Variants in FBN3 observed in about 807,000 individuals in gnomAD.
FBN3 encodes fibrillin-3.
In FBN3, 234 loss-of-function variants were observed where a neutral mutation model predicts 330.1. The observed-to-expected ratio is 0.71, with a 90% CI of 0.64 to 0.79. FBN3 has a LOEUF of 0.79. Ranked by LOEUF, FBN3 falls within the 30% of genes least tolerant of loss-of-function variation. FBN3 has a pLI of 0.00. For synonymous variants in FBN3, 1,458 were observed against 1,517.3 expected, an observed-to-expected ratio of 0.96 and a Z score of 0.91; for missense variants, 3,606 against 3,886.9, an observed-to-expected ratio of 0.93 and a Z score of 1.92.
rs2082335534 is a variant in FBN3, at chr19:8,101,934, C to T, written c.5089+790G>A. On this transcript the variant is annotated intron_variant, in intron 40 of 63. Transcript: ENST00000600128. ...CAGTTTGGCTGTGTCCCCACCTAAA[C>T]CTCAACTTGAACTGTAGCTCCCATA... 3.9e-5 allele frequency among the ~76,000 whole-genome samples: 6 copies of T among 152,222 alleles called. No individual in the cohort carries two copies. In the South Asian group the frequency reaches 1.2e-3, roughly 32 times the overall value.
In FBN3 at chr19:8,096,201, G is replaced by A. The variant is rs2082205515; in HGVS notation, c.5540-121C>T. ...CACCTAGCCCTGCCTAGATGACTGG[G>A]CAGTGACCCCTGGCGGTGATGGCTG... On this transcript the variant is annotated intron_variant, in intron 44 of 63. Coordinates refer to ENST00000600128, the MANE Select transcript of FBN3 (RefSeq NM_032447.5). This position sits in a 1 kb window ranked among gnomAD's most constrained non-coding sequence, Gnocchi z 4.6. 4.4e-6 allele frequency: 4 copies of A among 899,994 alleles called. No homozygotes were observed. The highest frequency in any genetic ancestry group is 1.8e-5 in the Admixed American group (1 of 54,136). The allele number at this position is 899,994 out of a possible 1,614,324, so 55.8% of individuals were successfully genotyped here. A position where few individuals can be genotyped will look rare whatever the true frequency, so the allele number is the denominator to read the frequency against.
At position 8,138,331 on chromosome 19, in the gene FBN3, G is replaced by A. The variant is rs758679351; in HGVS notation, c.1019-8C>T. The A allele has an allele frequency of 3.7e-6, 6 of 1,612,900 alleles. No individual in the cohort carries two copies. The highest frequency in any genetic ancestry group is 4.5e-5 in the East Asian group (2 of 44,868). On this transcript the variant is annotated splice_region_variant and splice_polypyrimidine_tract_variant and intron_variant, in intron 9 of 63. Coordinates refer to ENST00000600128, the MANE Select transcript of FBN3 (RefSeq NM_032447.5). ...ACAGTTGCTGGAATTCATCTGCAAG[G>A]AAGCAGGGTTGAGGCCAGGCCCTTG...
chr19:8,103,611 AC>A lies in FBN3; in HGVS notation c.4889del (p.Cys1630LeufsTer19), dbSNP rs773209666. ...CTTGGAGGTACTCTGCAGGGCAGAC[AC>A]AGGTGTAGTTCCCCAGGGTGTTGTA... ...TCYNTLGNYT[C>X]VCPAEYLQVN... On this transcript the variant is annotated frameshift_variant, in exon 39 of 64. Coordinates refer to ENST00000600128, the MANE Select transcript of FBN3 (RefSeq NM_032447.5). LOFTEE classifies it high-confidence loss of function. The A allele has an allele frequency of 6.8e-6, 11 of 1,613,806 alleles. No individual in the cohort carries two copies. In the Admixed American group the frequency reaches 8.3e-5, roughly 12 times the overall value.
chr19:8,094,595 G>A (rs1249407732), intron 46 of FBN3, 30 bp from the exon 47 acceptor site: 2 of 1,602,890 alleles, frequency 1.2e-6, no homozygotes. Flanking sequence ...AGGTCCTTGT[G>A]CCAGCCAGGA....
chr19:8,088,614 G>A (rs1004999981), intron 51 of FBN3, among the ~76,000 whole-genome samples: 7 of 151,878 alleles, frequency 4.6e-5, no homozygotes, highest in African/African-American at 9.7e-5. Context: ...TGAATGAGTG[G>A]GTGAATTACT....
intron 25 of FBN3, among the ~76,000 whole-genome samples, chr19:8,119,291 C>G (rs1207065002): frequency 1.3e-5 from 2 of 152,182 alleles, no homozygotes; most frequent in East Asian, 3.9e-4. Context: ...AGAAACGGCA[C>G]TAAGAGGCCT....
chr19:8,104,008 C>G (rs956154559), intron 38 of FBN3, among the ~76,000 whole-genome samples: 1 of 151,774 alleles, frequency 6.6e-6, no homozygotes, highest in Non-Finnish European at 1.5e-5. Context: ...CATGGTGGTG[C>G]ATGCCTGCAG....
At position 8,106,178 on chromosome 19, in the gene FBN3, G is replaced by A; in HGVS notation, c.4743C>T (p.Asn1581=). The A allele has an allele frequency of 6.2e-7, 1 of 1,614,146 alleles. No individual in the cohort carries two copies. Among genetic ancestry groups the A allele is most frequent in the Non-Finnish European group, 8.5e-7 (1 of 1,180,014 alleles). ...PGLCQGGDCV[N]TFGSFQCECP... The stretch of plus-strand genomic sequence containing the variant: ...ACTCACACTGGAAACTGCCAAACGT[G>A]TTGACGCAGTCACCCCCCTGACACA... The change falls in exon 38 of 64, where the codon AAC becomes AAT. Residue 1581 remains asparagine (N), a synonymous_variant. Transcript: ENST00000600128.
intron 20 of FBN3, 44 bp downstream of exon 20, chr19:8,126,424 G>C: frequency 6.3e-7 from 1 of 1,598,400 alleles, no homozygotes; most frequent in Non-Finnish European, 8.5e-7. Flanking sequence ...CCCCATGGAG[G>C]GCTTTTCCCA....
At chr19:8,088,215 AG>A in intron 51 of FBN3, 36 bp from the exon 52 acceptor site, 1 of 1,554,904 alleles carries the variant, frequency 6.4e-7, no homozygotes, top group South Asian at 1.2e-5. Context: ...GCACCTGCAG[AG>A]GGTCCCCCAT....
Position 8,129,531 on chromosome 19 carries a change from C to T in FBN3, c.2045-166G>A, listed in dbSNP as rs991270248. On this transcript the variant is annotated intron_variant, in intron 16 of 63. Transcript: ENST00000600128. The surrounding 1 kb of genome is among the most constrained non-coding windows in gnomAD (Gnocchi z 4.5). ...CTGCTCTAAACCGAGGTTTCTCAGC[C>T]TGGACACTGCTGACATTTGGGGCCA... 6.6e-6 allele frequency among the ~76,000 whole-genome samples: 1 copy of T among 152,148 alleles called. No individual in the cohort carries two copies. The highest frequency in any genetic ancestry group is 2.4e-5 in the African/African-American group (1 of 41,438).
At chr19:8,099,276 A>ATT (rs386388494) in intron 41 of FBN3, among the ~76,000 whole-genome samples, 36,047 of 98,664 alleles carry the variant, frequency 0.37, 7,396 homozygotes, top group Admixed American at 0.41. Context: ...TCATGGTTTG[A>ATT]TTTTTTTTTT....
rs772455160 is a variant in FBN3 at position 8,087,135 on chromosome 19, G to A, written c.6696C>T (p.Phe2232=). 74 of 1,610,832 alleles carry A rather than the reference G, an allele frequency of 4.6e-5. No homozygotes were observed. The highest frequency in any genetic ancestry group is 1.1e-4 in the East Asian group (5 of 44,722). The change falls in exon 54 of 64, where the codon TTC becomes TTT. Residue 2232 remains phenylalanine, a synonymous_variant. Transcript: ENST00000600128. Reference sequence around the variant, plus strand: ...GCATGCCTGGGGGACAGACGCACGCGAAGGTACCGATGAGGTTCTTGCACT... The same window carrying A: ...GCATGCCTGGGGGACAGACGCACGCAAAGGTACCGATGAGGTTCTTGCACT... ...GMECKNLIGT[F]ACVCPPGMRP...
chr19:8,117,722 A>G (rs1377120767), intron 26 of FBN3, 133 bp from the exon 27 acceptor site: 2 of 1,039,202 alleles, frequency 1.9e-6, no homozygotes, highest in African/African-American at 1.6e-5. Flanking sequence ...GCATGTGCCT[A>G]TCCGTACACT....
At chr19:8,097,140 T>C (rs977556100) in intron 42 of FBN3, 134 bp from the exon 43 acceptor site, 2 of 1,469,838 alleles carry the variant, frequency 1.4e-6, no homozygotes, top group Non-Finnish European at 9.2e-7. Flanking sequence ...AGGGTGGTTA[T>C]ATGAGATGGA....
chr19:8,139,173 C>A (rs185062086), intron 8 of FBN3, among the ~76,000 whole-genome samples: 5 of 152,052 alleles, frequency 3.3e-5, no homozygotes, highest in Admixed American at 3.3e-4. Context: ...ATGACGAAAC[C>A]CAGTCTCTAC....
Position 8,117,294 on chromosome 19 carries a change from G to A in FBN3, c.3464-3C>T, listed in dbSNP as rs1264435725. ...CTGGACCCGGCATTCGTTGATGTCTGCAGGATGCAGGGCAGACAGGGGCTG... is the reference window on the plus strand; with the variant it reads ...CTGGACCCGGCATTCGTTGATGTCTACAGGATGCAGGGCAGACAGGGGCTG... On this transcript the variant is annotated splice_polypyrimidine_tract_variant and splice_region_variant and intron_variant, in intron 27 of 63. Transcript: ENST00000600128. 6.2e-7 allele frequency: 1 copy of A among 1,612,214 alleles called. No homozygotes were observed. Among genetic ancestry groups the A allele is most frequent in the Admixed American group, 1.7e-5 (1 of 59,954 alleles).
intron 10 of FBN3, among the ~76,000 whole-genome samples, chr19:8,137,519 T>C (rs993089989): frequency 6.6e-6 from 1 of 152,094 alleles, no homozygotes; most frequent in African/African-American, 2.4e-5. Context: ...CAAATCCTCA[T>C]TATGGGGCAA....
chr19:8,088,232 G>C, intron 51 of FBN3, 53 bp from the exon 52 acceptor site: 1 of 1,535,178 alleles, frequency 6.5e-7, no homozygotes, highest in East Asian at 2.3e-5. Flanking sequence ...CCCATCCTCA[G>C]TAGCATCCCA....
Sources: gnomAD v4.1 joint callset for allele counts (sites outside exome capture counted in the v4.1 genomes callset) on GRCh38, gnomAD v4.1.1 for gene constraint, Gnocchi (gnomAD v3.1) non-coding constraint, MANE v1.5 for transcripts, NCBI Gene and HGNC (gene_info 2026-07-23, HGNC 2026-07-21) for gene names.